The following ST7 variants were observed in gnomAD, a reference collection of about 807,000 sequenced individuals.
ST7 encodes suppression of tumorigenicity 7.
A neutral mutation model predicts 78.7 loss-of-function variants in ST7; 28 were observed. The ratio of observed to expected loss-of-function variants is 0.36; its 90% CI spans 0.26 to 0.49. ST7 has a LOEUF of 0.49. ST7 is among the 20% of genes least tolerant of loss of function. The pLI, the probability that ST7 is intolerant of heterozygous loss-of-function variation, is 0.99. For missense variants in ST7, 418 were observed against 696.0 expected, an observed-to-expected ratio of 0.60 and a Z score of 4.49; for synonymous variants, 247 against 249.6, an observed-to-expected ratio of 0.99 and a Z score of 0.10.
chr7:117,135,294 T>A (rs1033528609), intron 7 of ST7, among the ~76,000 whole-genome samples: 3 of 152,106 alleles, frequency 2.0e-5, no homozygotes, highest in African/African-American at 7.2e-5. Flanking sequence ...AAAGATTATA[T>A]GAGATGATAT....
intron 1 of ST7, among the ~76,000 whole-genome samples, chr7:116,999,427 G>A (rs1217683982): frequency 6.6e-6 from 1 of 152,134 alleles, no homozygotes; most frequent in African/African-American, 2.4e-5. Context: ...TTTAGTAAGT[G>A]CACAAACAAC....
At chr7:117,207,377 C>T (rs1477604101) in intron 12 of ST7, among the ~76,000 whole-genome samples, 12 of 152,102 alleles carry the variant, frequency 7.9e-5, no homozygotes, top group South Asian at 6.2e-4. Flanking sequence ...CTCCTGACCT[C>T]GTGATCCACC....
At chr7:117,210,972 A>G (rs1792241159) in intron 13 of ST7, among the ~76,000 whole-genome samples, 2 of 152,106 alleles carry the variant, frequency 1.3e-5, no homozygotes, top group Admixed American at 6.5e-5. Context: ...TGTCTTTTTA[A>G]TCCTTTCACT....
At chr7:116,981,114 G>GTT (rs751948037) in intron 1 of ST7, among the ~76,000 whole-genome samples, 3 of 145,400 alleles carry the variant, frequency 2.1e-5, no homozygotes, top group Non-Finnish European at 4.6e-5. Flanking sequence ...CAGTAGTTTT[G>GTT]TTTTTTTTTT....
chr7:116,957,711 T>A (rs1294079261), intron 1 of ST7, among the ~76,000 whole-genome samples: 1 of 152,232 alleles, frequency 6.6e-6, no homozygotes, highest in Non-Finnish European at 1.5e-5. Context: ...TCATGCAGGA[T>A]ATTATTAAAA....
chr7:117,182,016 T>C (rs1808807973), intron 10 of ST7, among the ~76,000 whole-genome samples: 1 of 152,188 alleles, frequency 6.6e-6, no homozygotes, highest in African/African-American at 2.4e-5. Flanking sequence ...GACATATCAT[T>C]GCAGACTGTT....
intron 1 of ST7, among the ~76,000 whole-genome samples, chr7:116,995,853 T>C (rs918319878): frequency 1.3e-5 from 2 of 152,206 alleles, no homozygotes; most frequent in Non-Finnish European, 2.9e-5. Context: ...AATTTACAAA[T>C]GTTAGCAACT....
intron 9 of ST7, 92 bp from the exon 10 acceptor site, chr7:117,170,770 T>TAA: frequency 2.3e-6 from 1 of 439,052 alleles, no homozygotes; most frequent in African/African-American, 2.1e-5. Flanking sequence ...CAAACCGTGA[T>TAA]ATATACAATA....
At chr7:117,214,697 CA>C (rs1334363229) in intron 13 of ST7, among the ~76,000 whole-genome samples, 1 of 152,036 alleles carries the variant, frequency 6.6e-6, no homozygotes, top group African/African-American at 2.4e-5. Context: ...CCAGTAGAAC[CA>C]ACTTGCTCCT....
intron 12 of ST7, among the ~76,000 whole-genome samples, chr7:117,208,807 C>A (rs1156487179): frequency 1.3e-5 from 2 of 151,940 alleles, no homozygotes; most frequent in African/African-American, 4.8e-5. Flanking sequence ...CTGTCCATAT[C>A]CCTCTGTAGT....
intron 2 of ST7, among the ~76,000 whole-genome samples, chr7:117,102,297 A>G (rs2116820612): frequency 6.6e-6 from 1 of 152,330 alleles, no homozygotes; most frequent in African/African-American, 2.4e-5. Flanking sequence ...TCAGAGAACA[A>G]TCACCTCAAA....
chr7:116,962,935 T>C (rs1357801077), intron 1 of ST7, among the ~76,000 whole-genome samples: 1 of 152,220 alleles, frequency 6.6e-6, no homozygotes, highest in East Asian at 1.9e-4. Context: ...AGCTTGATGA[T>C]AGACTTGGTC....
chr7:117,059,920 C>T (rs1798263831), intron 1 of ST7, among the ~76,000 whole-genome samples: 1 of 151,554 alleles, frequency 6.6e-6, no homozygotes, highest in Non-Finnish European at 1.5e-5. Flanking sequence ...GAGGTTGAGG[C>T]TGCAGTGAAC....
At chr7:117,020,682 G>T (rs1237250809) in intron 1 of ST7, 1 of 1,547,928 alleles carries the variant, frequency 6.5e-7, no homozygotes, top group Non-Finnish European at 8.7e-7. Context: ...TTGCTGTCAT[G>T]GTTTCATTGG....
At position 117,131,939 on chromosome 7, in the gene ST7, A is replaced by G. The variant is rs1428345841; in HGVS notation, c.620A>G (p.His207Arg). The change falls in exon 6 of 16, where the codon CAT (histidine) becomes CGT (arginine). Residue 207 changes from histidine (H) to arginine (R), a missense_variant. By Grantham distance (29) the His-to-Arg change is conservative. Transcript: ENST00000323984. ...RNPQARISAA[H>R]EALEINEIRS... ...CCCCAAGCTAGGATTTCTGCAGCTCATGAAGCCTTGGAGATAAATGAGTAA... is the reference window on the plus strand; with the variant it reads ...CCCCAAGCTAGGATTTCTGCAGCTCGTGAAGCCTTGGAGATAAATGAGTAA... 2.5e-6 allele frequency: 4 copies of G among 1,611,478 alleles called. No individual in the cohort carries two copies. In the East Asian group the frequency reaches 8.9e-5, roughly 36 times the overall value.
chr7:117,119,936 T>C (rs1274332990), intron 3 of ST7, among the ~76,000 whole-genome samples: 1 of 120,290 alleles, frequency 8.3e-6, no homozygotes, highest in African/African-American at 2.9e-5. Context: ...TTTACCCTCC[T>C]TTTTTTTTTT....
Position 117,043,709 on chromosome 7 carries a change from A to G in ST7, c.152-56053A>G, listed in dbSNP as rs531755860. On this transcript the variant is annotated intron_variant, in intron 1 of 15. Coordinates refer to ENST00000323984, the MANE Select transcript of ST7 (RefSeq NM_001369598.1). ...GACAAAGATGTTGCTATTCATTGCA[A>G]TCCCTCAGATTATTTCATAAACGTT... is the stretch of plus-strand genomic sequence containing the variant. Among the ~76,000 whole-genome samples, 42 of 152,300 alleles carry G rather than the reference A, an allele frequency of 2.8e-4. No individual in the cohort carries two copies. The South Asian group carries it at 3.1e-3, about 11-fold the overall frequency.
intron 1 of ST7, among the ~76,000 whole-genome samples, chr7:117,097,939 C>T (rs1320015164): frequency 1.2e-4 from 6 of 50,438 alleles, no homozygotes; most frequent in Non-Finnish European, 4.6e-5. Flanking sequence ...GATGGCCAGG[C>T]AAAGCCTCCT....
chr7:117,116,132 T>C (rs1247406999), intron 2 of ST7, among the ~76,000 whole-genome samples: 3 of 152,214 alleles, frequency 2.0e-5, no homozygotes, highest in African/African-American at 7.2e-5. Context: ...ACCAGCTTGA[T>C]ACTTTTTAGT....
Sources: gnomAD v4.1 joint callset for allele counts (sites outside exome capture counted in the v4.1 genomes callset) on GRCh38, gnomAD v4.1.1 for gene constraint, MANE v1.5 for transcripts, NCBI Gene and HGNC (gene_info 2026-07-23, HGNC 2026-07-21) for gene names.